BRAF: variants seen among roughly 807,000 people sequenced by gnomAD.
The protein encoded by BRAF is B-Raf proto-oncogene, serine/threonine kinase.
Under a neutral mutation model 104.6 loss-of-function variants are expected in BRAF, and 16 were observed. The observed-to-expected ratio is 0.15, with a 90% CI of 0.10 to 0.23. The LOEUF is 0.23. Among genes scored for constraint, BRAF ranks in the 10% least tolerant of loss-of-function variants. The pLI is 1.00. For synonymous variants in BRAF, 310 were observed against 341.6 expected (o/e 0.91, Z 1.02); for missense variants, 541 against 937.3 (o/e 0.58, Z 5.52).
Position 140,776,938 on chromosome 7 carries a change from A to T in BRAF, c.1788T>A (p.Ile596=), listed in dbSNP as rs769683898. The T allele has an allele frequency of 6.2e-7, 1 of 1,613,438 alleles. No individual in the cohort carries two copies. Among genetic ancestry groups the T allele is most frequent in the Non-Finnish European group, 8.5e-7 (1 of 1,179,848 alleles). Residue 596 remains isoleucine, a synonymous_variant, in exon 14 of 20, where the codon ATT becomes ATA. Transcript: ENST00000644969. ...TKFEMIKLID[I]ARQTAQGMDY... Reference sequence around the variant, plus strand: ...CCATGCCCTGTGCAGTCTGTCGTGCAATATCTATAAGTTTGATCATCTCAA... The same window carrying T: ...CCATGCCCTGTGCAGTCTGTCGTGCTATATCTATAAGTTTGATCATCTCAA...
intron 5 of BRAF, 122 bp from the exon 6 acceptor site, chr7:140,801,682 T>TA (rs1480100210): frequency 9.4e-7 from 1 of 1,064,706 alleles, no homozygotes; most frequent in Admixed American, 2.4e-5. Flanking sequence ...GAAACTCACA[T>TA]ACTAAAGTAC....
chr7:140,792,717 C>T (rs1156445294), intron 8 of BRAF, among the ~76,000 whole-genome samples: 2 of 152,234 alleles, frequency 1.3e-5, no homozygotes, highest in African/African-American at 4.8e-5. Context: ...TAGACTGTGA[C>T]TTCCTTGAGG....
At chr7:140,749,458 T>C (rs2128994775) in intron 16 of BRAF, 40 bp from the exon 16 acceptor site, 1 of 1,606,448 alleles carries the variant, frequency 6.2e-7, no homozygotes, top group Non-Finnish European at 8.5e-7. Context: ...TCACTTCAAT[T>C]GAATAAAGAC....
intron 1 of BRAF, among the ~76,000 whole-genome samples, chr7:140,893,341 CA>C: frequency 6.6e-6 from 1 of 152,112 alleles, no homozygotes; most frequent in Non-Finnish European, 1.5e-5. Flanking sequence ...GCTCTGCCCC[CA>C]GGGTTCACAC....
intron 2 of BRAF, among the ~76,000 whole-genome samples, chr7:140,841,043 A>T (rs981365474): frequency 6.6e-6 from 1 of 152,052 alleles, no homozygotes; most frequent in Non-Finnish European, 1.5e-5. Flanking sequence ...CAGTAATAAA[A>T]GGACAAACCC....
intron 3 of BRAF, chr7:140,823,717 T>C (rs1562978451): frequency 6.6e-6 from 1 of 152,196 alleles, no homozygotes; most frequent in Non-Finnish European, 1.5e-5. Context: ...CTATTTTTAG[T>C]TTTTTGAGGA....
chr7:140,779,297 T>G (rs985831105), intron 12 of BRAF, among the ~76,000 whole-genome samples: 1 of 152,082 alleles, frequency 6.6e-6, no homozygotes, highest in African/African-American at 2.4e-5. Context: ...AGTGCAGTGG[T>G]GTGATCATGG....
intron 14 of BRAF, among the ~76,000 whole-genome samples, chr7:140,760,350 T>C (rs1489706310): frequency 1.3e-5 from 2 of 149,454 alleles, no homozygotes; most frequent in Non-Finnish European, 1.5e-5. Flanking sequence ...GAGACAGAGG[T>C]TGTAGTGAGC....
At chr7:140,815,074 T>C (rs1037767901) in intron 3 of BRAF, among the ~76,000 whole-genome samples, 3 of 151,902 alleles carry the variant, frequency 2.0e-5, no homozygotes, top group South Asian at 2.1e-4. Context: ...TTAAATTACA[T>C]AGCTTTCTGA....
chr7:140,726,103 C>T lies in BRAF; in HGVS notation c.*391G>A, dbSNP rs1795583450. ...TGAAACTGCCCCATCAGATGATCAGCCACAAATTGATCTGGTGGTTAGAAG... is the reference window on the plus strand; with the variant it reads ...TGAAACTGCCCCATCAGATGATCAGTCACAAATTGATCTGGTGGTTAGAAG... On this transcript the variant is annotated 3_prime_UTR_variant, in exon 20 of 20. Transcript: ENST00000644969. 1 of 1,090,956 alleles carries T rather than the reference C, an allele frequency of 9.2e-7. No homozygotes were observed. Among genetic ancestry groups the T allele is most frequent in the Non-Finnish European group, 1.1e-6 (1 of 896,520 alleles). The allele number at this position is 1,090,956 out of a possible 1,614,324, so 67.6% of individuals were successfully genotyped here. A position where few individuals can be genotyped will look rare whatever the true frequency, so the allele number is the denominator to read the frequency against.
chr7:140,804,437 G>A (rs1049448025), intron 5 of BRAF, among the ~76,000 whole-genome samples: 1 of 150,696 alleles, frequency 6.6e-6, no homozygotes, highest in African/African-American at 2.5e-5. Flanking sequence ...TTAATTACAT[G>A]ATTGTAATTA....
rs2130867691 is a variant in BRAF at position 140,734,624 on chromosome 7, C to G, written c.2394G>C (p.Gly798=). The change falls in exon 19 of 20, where the codon GGG becomes GGC. Residue 798 remains glycine (G), a synonymous_variant. Coordinates refer to ENST00000644969, the MANE Select transcript of BRAF (RefSeq NM_001374258.1). ...AGTGGACAGGAAACGCACCATATCCCCCTGCCTGGATGGGTGTTTTTGGAG... is the reference window on the plus strand; with the variant it reads ...AGTGGACAGGAAACGCACCATATCCGCCTGCCTGGATGGGTGTTTTTGGAG... ...CASPKTPIQA[G]GYGEFAAFK is the part of the protein sequence containing the mutation. 2 of 1,613,328 alleles carry G rather than the reference C, an allele frequency of 1.2e-6. No homozygotes were observed. Among genetic ancestry groups the G allele is most frequent in the Non-Finnish European group, 1.7e-6 (2 of 1,179,872 alleles).
At chr7:140,764,488 G>C (rs1290960218) in intron 14 of BRAF, among the ~76,000 whole-genome samples, 9 of 150,928 alleles carry the variant, frequency 6.0e-5, no homozygotes, top group Non-Finnish European at 1.2e-4. Context: ...TATTCAATTA[G>C]GAAAAGAGGA....
At chr7:140,812,237 T>G (rs922673432) in intron 3 of BRAF, among the ~76,000 whole-genome samples, 2 of 150,706 alleles carry the variant, frequency 1.3e-5, no homozygotes, top group African/African-American at 2.4e-5. Flanking sequence ...GAGAATCTAA[T>G]GAAAGCCTCA....
At chr7:140,923,205 T>C (rs1254027075) in intron 1 of BRAF, among the ~76,000 whole-genome samples, 9 of 149,000 alleles carry the variant, frequency 6.0e-5, no homozygotes, top group South Asian at 2.1e-4. Context: ...AAAAAAAAAA[T>C]TGCAGAGAGA....
At chr7:140,826,342 T>C (rs939001158) in intron 3 of BRAF, among the ~76,000 whole-genome samples, 2 of 152,224 alleles carry the variant, frequency 1.3e-5, no homozygotes, top group Non-Finnish European at 2.9e-5. Context: ...TTTTTTTCTA[T>C]GTTTTCAATT....
At chr7:140,872,233 A>C (rs1254961183) in intron 1 of BRAF, among the ~76,000 whole-genome samples, 1 of 151,946 alleles carries the variant, frequency 6.6e-6, no homozygotes. Context: ...ATAAATAAAT[A>C]AATAAATAAA....
intron 1 of BRAF, among the ~76,000 whole-genome samples, chr7:140,897,694 C>T (rs1186496585): frequency 6.6e-6 from 1 of 151,754 alleles, no homozygotes; most frequent in African/African-American, 2.4e-5. Context: ...GGGGTTTCAC[C>T]ATGTTTCATC....
chr7:140,869,243 T>C (rs568185520), intron 1 of BRAF, among the ~76,000 whole-genome samples: 1 of 152,230 alleles, frequency 6.6e-6, no homozygotes, highest in African/African-American at 2.4e-5. Context: ...AGAAATAACA[T>C]GTTCTTTTAC....
Sources: allele counts gnomAD v4.1 joint callset (sites outside exome capture counted in the v4.1 genomes callset), GRCh38; gene constraint gnomAD v4.1.1; transcripts MANE v1.5; gene names NCBI Gene and HGNC (gene_info 2026-07-23, HGNC 2026-07-21).